Variants in FGD6 observed in about 807,000 individuals in gnomAD.
FGD6 encodes the protein FYVE, RhoGEF and PH domain containing 6, also known as FYVE, RhoGEF and PH domain-containing protein 6.
Under a neutral mutation model 149.4 loss-of-function variants are expected in FGD6, and 90 were observed. That is an observed-to-expected ratio of 0.60 (90% CI 0.51 to 0.72). The LOEUF (loss-of-function observed/expected upper bound fraction) is 0.72, where lower values mean the gene tolerates loss of function less well. FGD6 is among the 30% of genes least tolerant of loss of function. The pLI is 0.00. For synonymous variants in FGD6, 527 were observed against 584.0 expected (o/e 0.90, Z 1.41); for missense variants, 1,437 against 1,684.8 (o/e 0.85, Z 2.57).
At chr12:95,120,024 T>A (rs1879140957) in intron 8 of FGD6, among the ~76,000 whole-genome samples, 1 of 151,122 alleles carries the variant, frequency 6.6e-6, no homozygotes, top group Non-Finnish European at 1.5e-5. Flanking sequence ...ATGTCAGGAG[T>A]TCGAGACCTC....
chr12:95,141,784 T>C (rs1473207873), intron 5 of FGD6, among the ~76,000 whole-genome samples: 1 of 152,222 alleles, frequency 6.6e-6, no homozygotes, highest in Non-Finnish European at 1.5e-5. Flanking sequence ...CTTAAACCTT[T>C]TAGTTTGATC....
At chr12:95,086,830 G>A (rs1323964019) in intron 18 of FGD6, among the ~76,000 whole-genome samples, 4 of 141,536 alleles carry the variant, frequency 2.8e-5, no homozygotes, top group African/African-American at 7.9e-5. Flanking sequence ...ACAGGCGTGA[G>A]CCACCACACC....
intron 9 of FGD6, among the ~76,000 whole-genome samples, chr12:95,111,001 G>A (rs1878803384): frequency 6.6e-6 from 1 of 151,162 alleles, no homozygotes; most frequent in Non-Finnish European, 1.5e-5. Flanking sequence ...TTTTTTTCCT[G>A]AGACAGAGTC....
chr12:95,155,108 A>C (rs1435630778), intron 3 of FGD6, among the ~76,000 whole-genome samples: 1 of 152,242 alleles, frequency 6.6e-6, no homozygotes, highest in Non-Finnish European at 1.5e-5. Context: ...ATGACTATAT[A>C]TGTTCCATAC....
chr12:95,136,389 CA>C (rs1003244339), intron 7 of FGD6, among the ~76,000 whole-genome samples: 19 of 151,848 alleles, frequency 1.3e-4, no homozygotes, highest in Non-Finnish European at 2.4e-4. Context: ...AACAAACAAA[CA>C]AAAAAAACCC....
At chr12:95,174,134 C>T (rs372409631) in intron 2 of FGD6, among the ~76,000 whole-genome samples, 58 of 152,230 alleles carry the variant, frequency 3.8e-4, no homozygotes, top group African/African-American at 1.1e-3. Flanking sequence ...ATGCAGGAGA[C>T]TCACTCCCCG....
At chr12:95,118,026 G>C (rs578188267) in intron 8 of FGD6, among the ~76,000 whole-genome samples, 4 of 152,110 alleles carry the variant, frequency 2.6e-5, no homozygotes, top group African/African-American at 9.6e-5. Flanking sequence ...GGGTGACAGA[G>C]CAAGACTCTG....
At chr12:95,156,818 C>T (rs1003944039) in intron 3 of FGD6, among the ~76,000 whole-genome samples, 8 of 152,094 alleles carry the variant, frequency 5.3e-5, no homozygotes, top group Non-Finnish European at 8.8e-5. Flanking sequence ...CTCAGACCAG[C>T]CAACATTTAG....
intron 1 of FGD6, 119 bp downstream of exon 1, chr12:95,217,106 C>T: frequency 6.7e-7 from 1 of 1,489,468 alleles, no homozygotes; most frequent in Non-Finnish European, 9.1e-7. Flanking sequence ...TGCCGAGGTG[C>T]TCGGCAAAGG....
chr12:95,186,291 C>A (rs536963200), intron 2 of FGD6, among the ~76,000 whole-genome samples: 11 of 110,030 alleles, frequency 1.0e-4, no homozygotes, highest in Non-Finnish European at 1.6e-4. Flanking sequence ...CTGGGTCACC[C>A]AGGCTGGAGT....
intron 14 of FGD6, among the ~76,000 whole-genome samples, chr12:95,097,531 G>A (rs905702494): frequency 6.6e-6 from 1 of 151,390 alleles, no homozygotes; most frequent in African/African-American, 2.4e-5. Context: ...TGCTACTCAG[G>A]AGGCTGAGGC....
intron 5 of FGD6, among the ~76,000 whole-genome samples, chr12:95,141,874 C>A (rs187599440): frequency 6.6e-6 from 1 of 152,206 alleles, no homozygotes; most frequent in Non-Finnish European, 1.5e-5. Flanking sequence ...TATTCCAATA[C>A]CATCAATATA....
intron 19 of FGD6, chr12:95,085,565 A>G (rs1247543814): frequency 5.6e-6 from 3 of 530,996 alleles, no homozygotes; most frequent in Non-Finnish European, 9.5e-6. Context: ...TTGCATTTTA[A>G]TAATATGGAA....
chr12:95,080,676 T>A lies in FGD6; in HGVS notation c.*844A>T, dbSNP rs1015646812. 6 of 152,216 alleles carry A rather than the reference T, an allele frequency of 3.9e-5. No individual in the cohort carries two copies. The East Asian group carries it at 7.7e-4, about 19-fold the overall frequency. The allele number at this position is 152,216 out of a possible 1,614,324, so 9.4% of individuals were successfully genotyped here. On this transcript the variant is annotated 3_prime_UTR_variant, in exon 21 of 21. Transcript: ENST00000343958. ...CATCATTGACTTGGGCTCAGAACTC[T>A]TATAATAGCAGGGAATATTATGTGA...
chr12:95,130,579 C>G (rs1879490621), intron 8 of FGD6, among the ~76,000 whole-genome samples: 1 of 151,988 alleles, frequency 6.6e-6, no homozygotes, highest in Admixed American at 6.6e-5. Flanking sequence ...ACTTAAAATC[C>G]AACTTTAAAA....
intron 8 of FGD6, among the ~76,000 whole-genome samples, chr12:95,119,979 C>T (rs1956480460): frequency 6.6e-6 from 1 of 151,554 alleles, no homozygotes; most frequent in South Asian, 2.1e-4. Flanking sequence ...GCCTGTAATC[C>T]CAGCACTTTG....
chr12:95,161,422 G>C (rs1880640813), intron 3 of FGD6, among the ~76,000 whole-genome samples: 1 of 151,142 alleles, frequency 6.6e-6, no homozygotes, highest in Non-Finnish European at 1.5e-5. Context: ...CTAGAACCCA[G>C]GAGGCAGAGG....
In FGD6 at chr12:95,083,030, T is replaced by TATATACAC. The variant is rs772685891; in HGVS notation, c.4256+1467_4256+1468insGTGTATAT. ...AAAAAAAAATATATATATATATATA[T>TATATACAC]ACACACACATACACACACACACACA... is the stretch of plus-strand genomic sequence containing the variant. On this transcript the variant is annotated intron_variant, in intron 20 of 20. Coordinates refer to ENST00000343958, the MANE Select transcript of FGD6 (RefSeq NM_018351.4). Among the ~76,000 whole-genome samples, 169 of 56,484 alleles carry TATATACAC rather than the reference T, an allele frequency of 3.0e-3. 2 individuals are homozygous for TATATACAC. The highest frequency in any genetic ancestry group is 4.1e-3 in the Non-Finnish European group (124 of 30,520). The allele number at this position is 56,484 out of a possible 152,430, so 37.1% of individuals were successfully genotyped here.
intron 20 of FGD6, among the ~76,000 whole-genome samples, chr12:95,083,945 G>T (rs1430607958): frequency 6.6e-6 from 1 of 152,212 alleles, no homozygotes; most frequent in African/African-American, 2.4e-5. Context: ...TCTAAGTAAA[G>T]ATTCTTGCTG....
Sources: gnomAD v4.1 joint callset for allele counts (sites outside exome capture counted in the v4.1 genomes callset) on GRCh38, gnomAD v4.1.1 for gene constraint, MANE v1.5 for transcripts, NCBI Gene and HGNC (gene_info 2026-07-23, HGNC 2026-07-21) for gene names.